The following FARS2 variants were observed in gnomAD, a reference collection of about 807,000 sequenced individuals.
FARS2 encodes phenylalanine--tRNA ligase, mitochondrial.
In FARS2, 40 loss-of-function variants were observed where a neutral mutation model predicts 46.4. The observed-to-expected ratio is 0.86, with a 90% CI of 0.67 to 1.12. FARS2 has a LOEUF of 1.12. FARS2 is among the 50% of genes most tolerant of loss of function. The pLI is 0.00. For missense variants in FARS2, 513 were observed against 567.9 expected (o/e 0.90, Z 0.98); for synonymous variants, 234 against 214.9 (o/e 1.09, Z -0.78).
intron 4 of FARS2, among the ~76,000 whole-genome samples, chr6:5,519,195 A>G (rs1255650900): frequency 2.0e-5 from 3 of 152,122 alleles, no homozygotes; most frequent in African/African-American, 7.2e-5. Flanking sequence ...AACCCAAAGG[A>G]AGGGTGTTGT....
intron 5 of FARS2, among the ~76,000 whole-genome samples, chr6:5,591,830 TTTAAA>T (rs1407867958): frequency 6.6e-6 from 1 of 152,254 alleles, no homozygotes; most frequent in African/African-American, 2.4e-5. Flanking sequence ...GTAACCAATG[TTTAAA>T]TTAAATATTT....
chr6:5,390,054 G>C (rs1206809992), intron 2 of FARS2, among the ~76,000 whole-genome samples: 2 of 152,046 alleles, frequency 1.3e-5, no homozygotes, highest in Non-Finnish European at 2.9e-5. Context: ...AGTGGAGATG[G>C]GGTTTCACCA....
chr6:5,549,029 T>A (rs114160148), intron 5 of FARS2, among the ~76,000 whole-genome samples: 1,785 of 152,350 alleles, frequency 0.012, 37 homozygotes, highest in African/African-American at 0.041. Flanking sequence ...TTACCACAAA[T>A]CTAGTAGCTT....
chr6:5,553,019 T>G (rs937033081), intron 5 of FARS2, among the ~76,000 whole-genome samples: 1 of 152,226 alleles, frequency 6.6e-6, no homozygotes, highest in Non-Finnish European at 1.5e-5. Context: ...GCGATACTTA[T>G]TGAAAATTAC....
intron 6 of FARS2, among the ~76,000 whole-genome samples, chr6:5,641,163 T>C (rs1265740919): frequency 1.3e-5 from 2 of 152,164 alleles, no homozygotes; most frequent in African/African-American, 4.8e-5. Flanking sequence ...TGTTTCTTGC[T>C]CACAGTGGTA....
intron 4 of FARS2, among the ~76,000 whole-genome samples, chr6:5,500,528 A>G (rs1017105220): frequency 1.9e-4 from 29 of 152,198 alleles, no homozygotes; most frequent in African/African-American, 7.0e-4. Context: ...TGCAGCTTGC[A>G]GAGGAGAGGC....
At chr6:5,766,367 C>T (rs1762750023) in intron 6 of FARS2, among the ~76,000 whole-genome samples, 2 of 152,326 alleles carry the variant, frequency 1.3e-5, no homozygotes, top group Middle Eastern at 3.4e-3. Context: ...CTTCCCAGAC[C>T]ACCTTTTAAT....
At chr6:5,405,631 G>T (rs941710814) in intron 3 of FARS2, among the ~76,000 whole-genome samples, 3 of 151,530 alleles carry the variant, frequency 2.0e-5, no homozygotes, top group Non-Finnish European at 4.4e-5. Flanking sequence ...TAGCTGGGAT[G>T]ACAGGCGCCC....
rs537652822 is a variant in FARS2 at position 5,471,432 on chromosome 6, A to G, written c.904+40260A>G. 7.2e-4 allele frequency among the ~76,000 whole-genome samples: 110 copies of G among 152,260 alleles called. 1 individual carries two copies. The highest frequency in any genetic ancestry group is 2.6e-3 in the African/African-American group (108 of 41,540). ...TGGCTAATATCCCAACTAGCCCTTC[A>G]TTTACGAAGAACCAAAGGGAAACTC... On this transcript the variant is annotated intron_variant, in intron 4 of 6. Transcript: ENST00000274680. The surrounding 1 kb of genome is among the most constrained non-coding windows in gnomAD (Gnocchi z 4.1).
intron 6 of FARS2, among the ~76,000 whole-genome samples, chr6:5,681,547 A>G (rs1200496806): frequency 2.0e-5 from 3 of 152,150 alleles, no homozygotes; most frequent in East Asian, 1.9e-4. Context: ...AGGGGGAAAA[A>G]GTTACTTAAA....
In FARS2 at chr6:5,386,113, C is replaced by T. The variant is rs759846357; in HGVS notation, c.612+16931C>T. On this transcript the variant is annotated intron_variant, in intron 2 of 6. Transcript: ENST00000274680. ...CATAATGGAAGATACAGTCAAGGCA[C>T]GGAAGAGGGAGAGCTCTATTCCTGG... Among the ~76,000 whole-genome samples the T allele has an allele frequency of 6.3e-4, 96 of 152,088 alleles. 2 individuals carry two copies. The highest frequency in any genetic ancestry group is 2.0e-4 in the Admixed American group (3 of 15,264).
intron 4 of FARS2, among the ~76,000 whole-genome samples, chr6:5,533,346 TAC>T (rs1769983203): frequency 6.6e-6 from 1 of 152,212 alleles, no homozygotes; most frequent in Admixed American, 6.5e-5. Flanking sequence ...CTCTCACAGA[TAC>T]AAAATTAAAG....
At chr6:5,527,086 A>G (rs1020734343) in intron 4 of FARS2, among the ~76,000 whole-genome samples, 4 of 152,380 alleles carry the variant, frequency 2.6e-5, no homozygotes, top group African/African-American at 9.6e-5. Context: ...TTATATAGAT[A>G]TACATAAAAG....
At chr6:5,413,715 A>G (rs767787102) in intron 3 of FARS2, among the ~76,000 whole-genome samples, 1 of 152,190 alleles carries the variant, frequency 6.6e-6, no homozygotes, top group Non-Finnish European at 1.5e-5. Context: ...TATGTGCCCA[A>G]ATCTCTTTAT....
chr6:5,281,693 A>G (rs1036850478), intron 1 of FARS2, among the ~76,000 whole-genome samples: 2 of 149,526 alleles, frequency 1.3e-5, no homozygotes, highest in Admixed American at 6.9e-5. Flanking sequence ...TGTTGTCCAC[A>G]GTGATTGTCC....
chr6:5,771,337 G>A lies in FARS2; in HGVS notation c.1264G>A (p.Glu422Lys). ...CTACCGCATCACGTACCGCCACATGGAACGGACTCTGTCCCAGAGAGAGGT... is the reference window on the plus strand; with the variant it reads ...CTACCGCATCACGTACCGCCACATGAAACGGACTCTGTCCCAGAGAGAGGT... ...HCYRITYRHM[E>K]RTLSQREVRH... Residue 422 changes from glutamate to lysine, a missense_variant, in exon 7 of 7, where the codon GAA becomes AAA. By Grantham distance (56) the Glu-to-Lys change is moderately conservative. Transcript: ENST00000274680. The A allele has an allele frequency of 1.2e-6, 2 of 1,614,126 alleles. No individual in the cohort carries two copies. Among genetic ancestry groups the A allele is most frequent in the Non-Finnish European group, 1.7e-6 (2 of 1,179,976 alleles).
intron 5 of FARS2, among the ~76,000 whole-genome samples, chr6:5,557,023 A>G (rs1561710961): frequency 6.6e-6 from 1 of 152,166 alleles, no homozygotes; most frequent in South Asian, 2.1e-4. Context: ...TAGTTGGTGG[A>G]TTATAGAGTT....
Position 5,746,591 on chromosome 6 carries a change from G to A in FARS2, c.1218-24700G>A, listed in dbSNP as rs751744676. ...GTGAATATTGTCCTGGCCTCCAGGT[G>A]GCAGCAGGATTTGGCTGGTGAGACT... On this transcript the variant is annotated intron_variant, in intron 6 of 6. Transcript: ENST00000274680. Among the ~76,000 whole-genome samples the A allele has an allele frequency of 2.0e-5, 3 of 151,624 alleles. No homozygotes were observed. In the South Asian group the frequency reaches 6.3e-4, roughly 32 times the overall value.
chr6:5,454,811 G>A (rs1194201677), intron 4 of FARS2, among the ~76,000 whole-genome samples: 2 of 152,140 alleles, frequency 1.3e-5, no homozygotes, highest in Non-Finnish European at 2.9e-5. Flanking sequence ...TGGCCATGCG[G>A]ACCCGCCTTC....
Sources: allele counts gnomAD v4.1 joint callset (sites outside exome capture counted in the v4.1 genomes callset), GRCh38; gene constraint gnomAD v4.1.1; non-coding constraint Gnocchi (gnomAD v3.1); transcripts MANE v1.5; gene names NCBI Gene and HGNC (gene_info 2026-07-23, HGNC 2026-07-21).